Variants in SYT14 observed in about 807,000 individuals in gnomAD.
The protein encoded by SYT14 is synaptotagmin 14, also known as synaptotagmin-14.
Under a neutral mutation model 74.2 loss-of-function variants are expected in SYT14, and 32 were observed. That is an observed-to-expected ratio of 0.43 (90% CI 0.33 to 0.58). The LOEUF (loss-of-function observed/expected upper bound fraction) is 0.58, where lower values mean the gene tolerates loss of function less well. SYT14 is among the 20% of genes least tolerant of loss of function. The probability of loss-of-function intolerance (pLI) is 0.05; values close to 1 mark genes in which losing one functional copy is unlikely to be tolerated. For missense variants in SYT14, 791 were observed against 981.8 expected, an observed-to-expected ratio of 0.81 and a Z score of 2.60; for synonymous variants, 298 against 337.7, an observed-to-expected ratio of 0.88 and a Z score of 1.29.
chr1:210,045,229 C>T (rs1408820812), intron 5 of SYT14, among the ~76,000 whole-genome samples: 1 of 152,134 alleles, frequency 6.6e-6, no homozygotes, highest in Non-Finnish European at 1.5e-5. Flanking sequence ...AAAATATTTT[C>T]TTAATGCATT....
chr1:209,988,602 G>T (rs1170861995), intron 2 of SYT14, among the ~76,000 whole-genome samples: 1 of 152,050 alleles, frequency 6.6e-6, no homozygotes, highest in African/African-American at 2.4e-5. Flanking sequence ...TTTCAGTCTT[G>T]CTTTTCACCT....
intron 2 of SYT14, among the ~76,000 whole-genome samples, chr1:209,991,783 TCACAC>T (rs1174669176): frequency 1.4e-5 from 2 of 146,464 alleles, no homozygotes; most frequent in Admixed American, 1.4e-4. Flanking sequence ...AGAGCCAAGA[TCACAC>T]CACTGCACTC....
intron 7 of SYT14, among the ~76,000 whole-genome samples, chr1:210,101,850 T>C (rs1003045300): frequency 6.6e-6 from 1 of 152,186 alleles, no homozygotes; most frequent in South Asian, 2.1e-4. Flanking sequence ...AAAGACTCTG[T>C]CATCAAGAGG....
At chr1:209,954,053 A>G (rs2078953712) in intron 2 of SYT14, among the ~76,000 whole-genome samples, 1 of 152,270 alleles carries the variant, frequency 6.6e-6, no homozygotes, top group South Asian at 2.1e-4. Context: ...GTTATTATCC[A>G]GTCCCACTAA....
intron 2 of SYT14, among the ~76,000 whole-genome samples, chr1:209,979,877 C>T (rs920212655): frequency 6.6e-6 from 1 of 152,104 alleles, no homozygotes; most frequent in African/African-American, 2.4e-5. Flanking sequence ...AGATTGATTC[C>T]ACGTCTTTGC....
intron 5 of SYT14, among the ~76,000 whole-genome samples, chr1:210,045,302 T>G (rs2080864599): frequency 6.6e-6 from 1 of 152,198 alleles, no homozygotes; most frequent in Non-Finnish European, 1.5e-5. Context: ...AGTAAATGCT[T>G]CCCCAAAATT....
At chr1:209,983,571 A>G (rs184206499) in intron 2 of SYT14, among the ~76,000 whole-genome samples, 18 of 151,644 alleles carry the variant, frequency 1.2e-4, no homozygotes, top group South Asian at 4.2e-4. Flanking sequence ...TATAATTTCT[A>G]TCCCTTTATT....
At chr1:209,982,094 G>A (rs2079497442) in intron 2 of SYT14, among the ~76,000 whole-genome samples, 1 of 152,138 alleles carries the variant, frequency 6.6e-6, no homozygotes, top group South Asian at 2.1e-4. Context: ...AAGAATGCCA[G>A]TAATTCATAG....
At chr1:209,964,209 G>A (rs1447084318) in intron 2 of SYT14, among the ~76,000 whole-genome samples, 1 of 152,150 alleles carries the variant, frequency 6.6e-6, no homozygotes, top group Non-Finnish European at 1.5e-5. Context: ...GAGTTCGGCA[G>A]TTCCTCTTCT....
chr1:210,116,174 G>A (rs188531867), intron 7 of SYT14, among the ~76,000 whole-genome samples: 1 of 152,306 alleles, frequency 6.6e-6, no homozygotes, highest in East Asian at 1.9e-4. Context: ...CCATCTGGAT[G>A]TATATGTGCA....
chr1:209,995,090 C>G (rs1244049809), intron 2 of SYT14, among the ~76,000 whole-genome samples: 1 of 152,168 alleles, frequency 6.6e-6, no homozygotes, highest in African/African-American at 2.4e-5. Flanking sequence ...GCAATCAGTT[C>G]TACCTAACAA....
intron 6 of SYT14, among the ~76,000 whole-genome samples, chr1:210,096,094 T>G (rs999873899): frequency 6.6e-6 from 1 of 152,198 alleles, no homozygotes; most frequent in Non-Finnish European, 1.5e-5. Context: ...CTTTAGGAAG[T>G]TATTATTTCC....
At chr1:210,161,235 G>C (rs1262632320) in exon 10 of SYT14, 1 of 695,366 alleles carries the variant, frequency 1.4e-6, no homozygotes, top group Non-Finnish European at 2.6e-6. Flanking sequence ...ATCTAGTAGA[G>C]CTTGTTTAGG....
chr1:210,089,167 A>G (rs1031923506), intron 5 of SYT14, among the ~76,000 whole-genome samples: 1 of 152,104 alleles, frequency 6.6e-6, no homozygotes, highest in Non-Finnish European at 1.5e-5. Context: ...GCTGAGAATA[A>G]TGGTTTCCAG....
At chr1:210,032,980 C>G (rs2080575477) in intron 5 of SYT14, among the ~76,000 whole-genome samples, 4 of 151,480 alleles carry the variant, frequency 2.6e-5, no homozygotes, top group South Asian at 4.2e-4. Context: ...CAGGATCATT[C>G]AGATATTCTT....
chr1:209,958,001 C>T (rs1387871615), intron 2 of SYT14, among the ~76,000 whole-genome samples: 2 of 152,008 alleles, frequency 1.3e-5, no homozygotes, highest in Non-Finnish European at 2.9e-5. Context: ...GGAAATCCTT[C>T]CTTAACCCTA....
At chr1:209,973,663 A>G (rs1014160768) in intron 2 of SYT14, among the ~76,000 whole-genome samples, 5 of 152,196 alleles carry the variant, frequency 3.3e-5, no homozygotes, top group Non-Finnish European at 5.9e-5. Context: ...TAGTGCCGCT[A>G]TAAACATACG....
chr1:210,161,643 CA>C (rs1301260589), exon 10 of SYT14: 1 of 453,670 alleles, frequency 2.2e-6, no homozygotes, highest in Non-Finnish European at 4.4e-6. Flanking sequence ...TAAGTGCAAA[CA>C]AGTATTCATT....
At chr1:210,044,839 C>T (rs923533922) in intron 5 of SYT14, among the ~76,000 whole-genome samples, 12 of 152,250 alleles carry the variant, frequency 7.9e-5, no homozygotes, top group South Asian at 2.1e-4. Flanking sequence ...CTTTTACTTA[C>T]GGTGGAGCAT....
Sources: gnomAD v4.1 joint callset for allele counts (sites outside exome capture counted in the v4.1 genomes callset) on GRCh38, gnomAD v4.1.1 for gene constraint, MANE v1.5 for transcripts, NCBI Gene and HGNC (gene_info 2026-07-23, HGNC 2026-07-21) for gene names.